The following CNTNAP2 variants were observed in gnomAD, a reference collection of about 807,000 sequenced individuals.
CNTNAP2 encodes contactin-associated protein-like 2.
In CNTNAP2, 98 loss-of-function variants were observed where a neutral mutation model predicts 155.2. The observed-to-expected ratio is 0.63, with a 90% confidence interval of 0.54 to 0.75. The LOEUF is 0.75. Among genes scored for constraint, CNTNAP2 ranks in the 30% least tolerant of loss-of-function variants. CNTNAP2 has a pLI of 0.00. For synonymous variants in CNTNAP2, 651 were observed against 631.2 expected (o/e 1.03, Z -0.47); for missense variants, 1,727 against 1,688.1 (o/e 1.02, Z -0.40).
In CNTNAP2 at chr7:147,168,884, G is replaced by C. The variant is rs117182135; in HGVS notation, c.1348+36375G>C. ...CAGCAATGGAAAAAGCAAAAGTATAGTCAGCATTCTGTATCATATATGACA... is the reference window on the plus strand; with the variant it reads ...CAGCAATGGAAAAAGCAAAAGTATACTCAGCATTCTGTATCATATATGACA... On this transcript the variant is annotated intron_variant, in intron 8 of 23. Transcript: ENST00000361727. 8.5e-3 allele frequency among the ~76,000 whole-genome samples: 1,287 copies of C among 152,144 alleles called. 68 individuals are homozygous for C. Among genetic ancestry groups the C allele is most frequent in the Admixed American group, 0.068 (1,034 of 15,288 alleles).
intron 3 of CNTNAP2, among the ~76,000 whole-genome samples, chr7:146,971,973 C>T (rs1191968906): frequency 1.3e-5 from 2 of 152,162 alleles, no homozygotes; most frequent in African/African-American, 2.4e-5. Flanking sequence ...TGTTCATCTT[C>T]GTGCATTTTC....
intron 11 of CNTNAP2, among the ~76,000 whole-genome samples, chr7:147,492,121 C>A (rs1471610855): frequency 2.0e-5 from 3 of 152,092 alleles, no homozygotes; most frequent in African/African-American, 7.2e-5. Context: ...TTCTACAGAC[C>A]AGGGTGGGGG....
At position 147,405,300 on chromosome 7, in the gene CNTNAP2, AT is replaced by A. The variant is rs1267055405; in HGVS notation, c.1670+9523del. ...AAATAAGAGCAATTGATTTTAAAAC[AT>A]TTAAAATATCTTTCTTAACAAGTGC... On this transcript the variant is annotated intron_variant, in intron 10 of 23. Coordinates refer to ENST00000361727, the MANE Select transcript of CNTNAP2 (RefSeq NM_014141.6). 1.3e-5 allele frequency among the ~76,000 whole-genome samples: 2 copies of A among 152,198 alleles called. 1 individual carries two copies. The highest frequency in any genetic ancestry group is 2.9e-5 in the Non-Finnish European group (2 of 68,014).
At chr7:146,926,315 A>G (rs1796608558) in intron 3 of CNTNAP2, among the ~76,000 whole-genome samples, 1 of 151,524 alleles carries the variant, frequency 6.6e-6, no homozygotes, top group South Asian at 2.1e-4. Flanking sequence ...TGAAAAGGAT[A>G]CTCTTCTCCT....
At chr7:146,523,519 T>C (rs1797645458) in intron 1 of CNTNAP2, among the ~76,000 whole-genome samples, 1 of 152,118 alleles carries the variant, frequency 6.6e-6, no homozygotes, top group African/African-American at 2.4e-5. Flanking sequence ...AAATAACCTT[T>C]CCAACCTCCT....
chr7:147,211,745 G>GA (rs1168237521), intron 8 of CNTNAP2, among the ~76,000 whole-genome samples: 1 of 151,714 alleles, frequency 6.6e-6, no homozygotes, highest in Non-Finnish European at 1.5e-5. Flanking sequence ...CCAGCCTTGG[G>GA]AAAAAAATTA....
chr7:146,119,146 C>G (rs1240825535), intron 1 of CNTNAP2, among the ~76,000 whole-genome samples: 2 of 151,958 alleles, frequency 1.3e-5, no homozygotes, highest in Non-Finnish European at 2.9e-5. Flanking sequence ...CTACATGAAT[C>G]TAAGATAATG....
intron 1 of CNTNAP2, among the ~76,000 whole-genome samples, chr7:146,529,696 G>A (rs1297241262): frequency 6.6e-6 from 1 of 152,100 alleles, no homozygotes; most frequent in East Asian, 1.9e-4. Flanking sequence ...GCCGGGTGCG[G>A]TGGCTCATGT....
intron 1 of CNTNAP2, among the ~76,000 whole-genome samples, chr7:146,156,092 C>G (rs1721816017): frequency 6.6e-6 from 1 of 152,128 alleles, no homozygotes; most frequent in Non-Finnish European, 1.5e-5. Context: ...CTGGGGATAA[C>G]TCTTCCCACA....
At chr7:147,322,781 A>G (rs1413160519) in intron 9 of CNTNAP2, among the ~76,000 whole-genome samples, 5 of 142,474 alleles carry the variant, frequency 3.5e-5, no homozygotes, top group Admixed American at 1.5e-4. Context: ...CAGAGATTCA[A>G]CTTCTTCCTG....
chr7:147,701,956 T>A (rs764639935), intron 13 of CNTNAP2, among the ~76,000 whole-genome samples: 4 of 151,908 alleles, frequency 2.6e-5, no homozygotes, highest in Non-Finnish European at 5.9e-5. Context: ...CCTGCATGAA[T>A]ATAAGCTTGT....
At chr7:148,337,168 G>A (rs1449242903) in intron 21 of CNTNAP2, among the ~76,000 whole-genome samples, 2 of 151,822 alleles carry the variant, frequency 1.3e-5, no homozygotes, top group African/African-American at 2.4e-5. Flanking sequence ...CCTCCCTAAC[G>A]GTGCAGCAGA....
chr7:146,700,086 C>T (rs1484219296), intron 1 of CNTNAP2, among the ~76,000 whole-genome samples: 6 of 152,294 alleles, frequency 3.9e-5, no homozygotes, highest in South Asian at 2.1e-4. Flanking sequence ...ACTTGGTAGA[C>T]CTCTTGGATG....
chr7:148,045,798 A>G (rs1003013337), intron 15 of CNTNAP2, among the ~76,000 whole-genome samples: 2 of 152,230 alleles, frequency 1.3e-5, no homozygotes, highest in African/African-American at 4.8e-5. Flanking sequence ...GGCCAGCCAT[A>G]TCAAACAACC....
intron 3 of CNTNAP2, among the ~76,000 whole-genome samples, chr7:146,877,512 T>C (rs1009356359): frequency 6.6e-6 from 1 of 151,494 alleles, no homozygotes; most frequent in African/African-American, 2.4e-5. Flanking sequence ...CTGTAAAATA[T>C]ATATATATAT....
chr7:147,305,909 C>T (rs1300591739), intron 9 of CNTNAP2, among the ~76,000 whole-genome samples: 1 of 152,074 alleles, frequency 6.6e-6, no homozygotes, highest in Non-Finnish European at 1.5e-5. Context: ...CAGTAATCCT[C>T]GTTATTCTCT....
intron 3 of CNTNAP2, among the ~76,000 whole-genome samples, chr7:146,856,130 A>G (rs1303803228): frequency 1.3e-5 from 2 of 152,030 alleles, no homozygotes. Context: ...TATTGGTCAA[A>G]CCTGGACAAT....
At chr7:147,828,036 C>T (rs1322310139) in intron 13 of CNTNAP2, among the ~76,000 whole-genome samples, 1 of 151,976 alleles carries the variant, frequency 6.6e-6, no homozygotes, top group East Asian at 1.9e-4. Flanking sequence ...AAAAGGAATT[C>T]GTTTAAAACA....
rs541190141 is a variant in CNTNAP2 at position 146,367,097 on chromosome 7, A to G, written c.97+250124A>G. On this transcript the variant is annotated intron_variant, in intron 1 of 23. Coordinates refer to ENST00000361727, the MANE Select transcript of CNTNAP2 (RefSeq NM_014141.6). ...ACAAACAACATTCTCATCTCTGCCA[A>G]AGTTTTCAAGGAGAGTGCATGATTT... 2.0e-5 allele frequency among the ~76,000 whole-genome samples: 3 copies of G among 152,238 alleles called. No individual in the cohort carries two copies. In the South Asian group the frequency reaches 6.2e-4, roughly 32 times the overall value.
Sources: gnomAD v4.1 joint callset for allele counts (sites outside exome capture counted in the v4.1 genomes callset) on GRCh38, gnomAD v4.1.1 for gene constraint, MANE v1.5 for transcripts, NCBI Gene and HGNC (gene_info 2026-07-23, HGNC 2026-07-21) for gene names.